HSPA12A: variants seen among roughly 807,000 people sequenced by gnomAD.
The protein encoded by HSPA12A is heat shock protein family A (Hsp70) member 12A.
HSPA12A carries 28 observed loss-of-function variants against 69.2 expected under a neutral mutation model. That is an observed-to-expected ratio of 0.40 (90% CI 0.30 to 0.55). The LOEUF (loss-of-function observed/expected upper bound fraction) is 0.55, where lower values mean the gene tolerates loss of function less well. Among genes scored for constraint, HSPA12A ranks in the 20% least tolerant of loss-of-function variants. The probability of loss-of-function intolerance (pLI) is 0.38; values close to 1 mark genes in which losing one functional copy is unlikely to be tolerated. For synonymous variants in HSPA12A, 345 were observed against 370.5 expected (o/e 0.93, Z 0.79); for missense variants, 686 against 900.7 (o/e 0.76, Z 3.05).
chr10:116,771,151 C>G (rs924073722), intron 2 of HSPA12A, among the ~76,000 whole-genome samples: 3 of 152,330 alleles, frequency 2.0e-5, no homozygotes, highest in African/African-American at 7.2e-5. Flanking sequence ...TCAGAGCAAC[C>G]CAGAGATGCC....
intron 2 of HSPA12A, among the ~76,000 whole-genome samples, chr10:116,798,157 G>A (rs999068389): frequency 6.6e-6 from 1 of 151,032 alleles, no homozygotes; most frequent in Non-Finnish European, 1.5e-5. Context: ...CCCTCAATGT[G>A]GACGGTAGAG....
intron 2 of HSPA12A, among the ~76,000 whole-genome samples, chr10:116,766,438 C>T (rs1554889762): frequency 1.3e-5 from 2 of 152,150 alleles, no homozygotes; most frequent in Non-Finnish European, 1.5e-5. Flanking sequence ...TTCAAAAGCT[C>T]CTCTGGATGC....
At chr10:116,759,104 GT>G (rs1843916998) in intron 2 of HSPA12A, among the ~76,000 whole-genome samples, 2 of 152,318 alleles carry the variant, frequency 1.3e-5, no homozygotes, top group South Asian at 4.1e-4. Context: ...TCTCATAGCT[GT>G]TTTCTCTTTG....
At chr10:116,828,208 A>G (rs1476638247) in intron 2 of HSPA12A, among the ~76,000 whole-genome samples, 1 of 152,202 alleles carries the variant, frequency 6.6e-6, no homozygotes, top group Non-Finnish European at 1.5e-5. Context: ...CAAATGTGGT[A>G]TGTTTCATTA....
chr10:116,770,266 G>C (rs1432561525), intron 2 of HSPA12A, among the ~76,000 whole-genome samples: 1 of 152,152 alleles, frequency 6.6e-6, no homozygotes, highest in Non-Finnish European at 1.5e-5. Flanking sequence ...TGGCTTATGC[G>C]GCCCCTGTGA....
chr10:116,695,534 T>G (rs1260900916), intron 5 of HSPA12A, among the ~76,000 whole-genome samples: 1 of 151,160 alleles, frequency 6.6e-6, no homozygotes, highest in Non-Finnish European at 1.5e-5. Flanking sequence ...ATACAAAAAT[T>G]GGCCGGGCGC....
intron 1 of HSPA12A, 37 bp downstream of exon 1, chr10:116,742,393 G>A (rs544093674): frequency 9.8e-6 from 14 of 1,428,184 alleles, no homozygotes; most frequent in Admixed American, 2.6e-5. Flanking sequence ...TCCCTGCCCC[G>A]CCAGCCGCGG....
chr10:116,820,072 C>T (rs1333105117), intron 2 of HSPA12A, among the ~76,000 whole-genome samples: 1 of 152,204 alleles, frequency 6.6e-6, no homozygotes, highest in African/African-American at 2.4e-5. Flanking sequence ...AATTCACCCA[C>T]CTGGCCTCCC....
intron 2 of HSPA12A, among the ~76,000 whole-genome samples, chr10:116,817,868 G>T (rs1589723932): frequency 6.6e-6 from 1 of 152,324 alleles, no homozygotes; most frequent in East Asian, 1.9e-4. Flanking sequence ...GATGCTGAGA[G>T]CAGCAGCAGC....
At chr10:116,701,162 T>A in intron 3 of HSPA12A, 33 bp from the exon 4 acceptor site, 1 of 1,602,498 alleles carries the variant, frequency 6.2e-7, no homozygotes, top group Non-Finnish European at 8.5e-7. Flanking sequence ...TTATGGGGCC[T>A]TCTTTCAAAA....
chr10:116,699,496 G>GA (rs36103789), intron 4 of HSPA12A, among the ~76,000 whole-genome samples: 79,287 of 151,762 alleles, frequency 0.52, 21,030 homozygotes, highest in Middle Eastern at 0.66. Flanking sequence ...CTGCCAGGGG[G>GA]AAAAAAATCA....
intron 2 of HSPA12A, among the ~76,000 whole-genome samples, chr10:116,760,586 C>T (rs782692164): frequency 1.3e-5 from 2 of 152,198 alleles, no homozygotes; most frequent in Admixed American, 6.5e-5. Context: ...GGGTCCTAGA[C>T]ATAAGCCACA....
At chr10:116,845,308 G>A (rs1448896886) in intron 1 of HSPA12A, among the ~76,000 whole-genome samples, 2 of 152,128 alleles carry the variant, frequency 1.3e-5, no homozygotes, top group African/African-American at 4.8e-5. Flanking sequence ...TTGTTAAAAG[G>A]AGACTTCATA....
At chr10:116,802,886 G>T (rs1463889892) in intron 2 of HSPA12A, among the ~76,000 whole-genome samples, 1 of 152,244 alleles carries the variant, frequency 6.6e-6, no homozygotes, top group African/African-American at 2.4e-5. Flanking sequence ...CCATGGCCTG[G>T]GTCAGCCAGA....
intron 4 of HSPA12A, 24 bp from the exon 5 acceptor site, chr10:116,698,763 A>G (rs782341606): frequency 1.3e-6 from 2 of 1,566,972 alleles, no homozygotes; most frequent in South Asian, 2.2e-5. Flanking sequence ...GAGGAACAAT[A>G]GTAAGAAGAT....
intron 2 of HSPA12A, among the ~76,000 whole-genome samples, chr10:116,782,395 A>C (rs1554891893): frequency 6.6e-6 from 1 of 152,338 alleles, no homozygotes. Flanking sequence ...AAGCCTGCGT[A>C]TATGACAAGG....
chr10:116,687,683 C>T (rs1205117919), intron 6 of HSPA12A, among the ~76,000 whole-genome samples: 1 of 152,230 alleles, frequency 6.6e-6, no homozygotes, highest in Non-Finnish European at 1.5e-5. Flanking sequence ...CAGAAGCCCT[C>T]CACTTGGCAG....
At chr10:116,784,843 A>G (rs2133142594) in intron 2 of HSPA12A, among the ~76,000 whole-genome samples, 1 of 152,248 alleles carries the variant, frequency 6.6e-6, no homozygotes, top group East Asian at 1.9e-4. Flanking sequence ...TCTGGGGTTG[A>G]GCCTGTAACG....
chr10:116,691,345 A>G (rs1849732891), intron 6 of HSPA12A, among the ~76,000 whole-genome samples: 1 of 152,178 alleles, frequency 6.6e-6, no homozygotes. Flanking sequence ...TCCCATGGCC[A>G]TTCAACTATG....
Sources: gnomAD v4.1 joint callset for allele counts (sites outside exome capture counted in the v4.1 genomes callset) on GRCh38, gnomAD v4.1.1 for gene constraint, MANE v1.5 for transcripts, NCBI Gene and HGNC (gene_info 2026-07-23, HGNC 2026-07-21) for gene names.